ERBB4: variants seen among roughly 807,000 people sequenced by gnomAD.
ERBB4 encodes the protein erb-b2 receptor tyrosine kinase 4, also known as receptor tyrosine-protein kinase erbB-4.
ERBB4 carries 42 observed loss-of-function variants against 158.0 expected under a neutral mutation model. The observed-to-expected ratio is 0.27, with a 90% CI of 0.21 to 0.34. The LOEUF (loss-of-function observed/expected upper bound fraction) is 0.34, where lower values mean the gene tolerates loss of function less well. ERBB4 is among the 10% of genes least tolerant of loss of function. ERBB4 has a pLI of 1.00. For synonymous variants in ERBB4, 583 were observed against 558.7 expected, an observed-to-expected ratio of 1.04 and a Z score of -0.61; for missense variants, 1,333 against 1,624.1, an observed-to-expected ratio of 0.82 and a Z score of 3.08.
At chr2:212,143,876 A>G (rs2080570409) in intron 1 of ERBB4, among the ~76,000 whole-genome samples, 1 of 151,778 alleles carries the variant, frequency 6.6e-6, no homozygotes, top group African/African-American at 2.4e-5. Flanking sequence ...AAAATTAACC[A>G]TGTGTGGTGA....
At position 212,457,232 on chromosome 2, in the gene ERBB4, T is replaced by TA. The variant is rs1177435735; in HGVS notation, c.82+81216_82+81217insT. On this transcript the variant is annotated intron_variant, in intron 1 of 27. Transcript: ENST00000342788. ...TATGTTTTTGCTCTAAATATATATA[T>TA]TTTTAAGCCCAAAGCCAGAAATAAT... is the stretch of plus-strand genomic sequence containing the variant. Among the ~76,000 whole-genome samples, 7 of 152,192 alleles carry TA rather than the reference T, an allele frequency of 4.6e-5. 1 individual carries two copies. The highest frequency in any genetic ancestry group is 3.9e-4 in the East Asian group (2 of 5,184).
chr2:211,856,104 A>G (rs939194843), intron 3 of ERBB4, among the ~76,000 whole-genome samples: 35 of 152,178 alleles, frequency 2.3e-4, no homozygotes, highest in African/African-American at 8.2e-4. Flanking sequence ...TATACTTCTT[A>G]AATATTATAC....
At chr2:212,382,826 A>C (rs2090552306) in intron 1 of ERBB4, among the ~76,000 whole-genome samples, 1 of 151,230 alleles carries the variant, frequency 6.6e-6, no homozygotes. Flanking sequence ...ACAATTTATC[A>C]TGTTTTTTCT....
intron 1 of ERBB4, among the ~76,000 whole-genome samples, chr2:212,463,040 G>A (rs1574967065): frequency 6.6e-6 from 1 of 151,974 alleles, no homozygotes; most frequent in African/African-American, 2.4e-5. Context: ...CATTCATGTC[G>A]AAATTGAAAA....
chr2:211,450,929 C>T (rs147096972), intron 20 of ERBB4, among the ~76,000 whole-genome samples: 2,678 of 152,280 alleles, frequency 0.018, 43 homozygotes, highest in Middle Eastern at 0.048. Context: ...ATTCTCTACC[C>T]TTTAGAACAG....
intron 1 of ERBB4, among the ~76,000 whole-genome samples, chr2:212,443,471 T>C (rs928976762): frequency 2.0e-5 from 3 of 152,180 alleles, no homozygotes; most frequent in Non-Finnish European, 4.4e-5. Flanking sequence ...GAAGCATAAG[T>C]TGCTGCACTT....
chr2:211,962,302 T>C (rs1035376372), intron 2 of ERBB4, among the ~76,000 whole-genome samples: 3 of 152,180 alleles, frequency 2.0e-5, no homozygotes, highest in Non-Finnish European at 2.9e-5. Context: ...TTCATATGCA[T>C]AGTGTTCCTT....
At chr2:211,987,844 A>G (rs1416077819) in intron 2 of ERBB4, among the ~76,000 whole-genome samples, 3 of 152,184 alleles carry the variant, frequency 2.0e-5, no homozygotes, top group Admixed American at 2.0e-4. Context: ...TTAAAGAAAA[A>G]CATTGTAAGA....
intron 1 of ERBB4, among the ~76,000 whole-genome samples, chr2:212,349,287 TCACACACACACA>T (rs3040350): frequency 4.2e-4 from 61 of 146,468 alleles, no homozygotes; most frequent in African/African-American, 1.3e-3. Flanking sequence ...AACTTCTTAA[TCACACACACACA>T]CACACACACA....
chr2:211,600,856 GCAGA>G (rs1297872845), intron 19 of ERBB4, among the ~76,000 whole-genome samples: 1 of 152,030 alleles, frequency 6.6e-6, no homozygotes, highest in Admixed American at 6.6e-5. Flanking sequence ...TAATTTAGCA[GCAGA>G]CAAACTGACA....
chr2:211,967,103 G>GTT (rs914521327), intron 2 of ERBB4, among the ~76,000 whole-genome samples: 13 of 151,992 alleles, frequency 8.6e-5, no homozygotes, highest in African/African-American at 3.1e-4. Context: ...ATGCCTGAAT[G>GTT]TTTTTTTCTG....
At chr2:212,163,760 T>C (rs2081270658) in intron 1 of ERBB4, among the ~76,000 whole-genome samples, 1 of 152,002 alleles carries the variant, frequency 6.6e-6, no homozygotes, top group Non-Finnish European at 1.5e-5. Flanking sequence ...GCCATATTTT[T>C]AGAAAAGACC....
At chr2:212,310,684 T>A (rs570904854) in intron 1 of ERBB4, among the ~76,000 whole-genome samples, 81 of 149,492 alleles carry the variant, frequency 5.4e-4, no homozygotes, top group African/African-American at 1.9e-3. Context: ...CAAACTAAAC[T>A]AAAAATTGGG....
chr2:211,875,050 A>AAAAAAAT, intron 3 of ERBB4, among the ~76,000 whole-genome samples: 1 of 75,872 alleles, frequency 1.3e-5, no homozygotes, highest in Non-Finnish European at 2.6e-5. Context: ...AAAAAAAAAA[A>AAAAAAAT]CAAACTCAAA....
rs889608148 is a variant in ERBB4 at position 212,488,642 on chromosome 2, A to T, written c.82+49807T>A. 3.9e-5 allele frequency among the ~76,000 whole-genome samples: 6 copies of T among 151,966 alleles called. No homozygotes were observed. In the South Asian group the frequency reaches 1.2e-3, roughly 32 times the overall value. On this transcript the variant is annotated intron_variant, in intron 1 of 27. Transcript: ENST00000342788. ...AAAATTTATTAGAATGTTACCAGGT[A>T]TCTCACCAAATGAACAGTAAGTTTG... is the stretch of plus-strand genomic sequence containing the variant.
At chr2:212,128,065 T>G (rs1367617378) in intron 1 of ERBB4, among the ~76,000 whole-genome samples, 2 of 152,210 alleles carry the variant, frequency 1.3e-5, no homozygotes, top group Non-Finnish European at 2.9e-5. Context: ...TCCAGGGTCC[T>G]ATCAGCTTAT....
At chr2:212,500,623 A>G (rs1260222735) in intron 1 of ERBB4, among the ~76,000 whole-genome samples, 1 of 152,140 alleles carries the variant, frequency 6.6e-6, no homozygotes, top group Non-Finnish European at 1.5e-5. Flanking sequence ...CAATGCAGAC[A>G]TGTTAAGAAT....
chr2:212,132,401 T>TA (rs2125587036), intron 1 of ERBB4, among the ~76,000 whole-genome samples: 1 of 152,224 alleles, frequency 6.6e-6, no homozygotes, highest in South Asian at 2.1e-4. Flanking sequence ...AGTGTATCCA[T>TA]AAGGGCGTTT....
At chr2:211,869,403 T>C (rs2078286392) in intron 3 of ERBB4, among the ~76,000 whole-genome samples, 1 of 152,222 alleles carries the variant, frequency 6.6e-6, no homozygotes, top group Non-Finnish European at 1.5e-5. Context: ...TTAAATGTAA[T>C]TTCATCTAAC....
Sources: allele counts gnomAD v4.1 joint callset (sites outside exome capture counted in the v4.1 genomes callset), GRCh38; gene constraint gnomAD v4.1.1; transcripts MANE v1.5; gene names NCBI Gene and HGNC (gene_info 2026-07-23, HGNC 2026-07-21).